PIEZO1: variants seen among roughly 807,000 people sequenced by gnomAD.
PIEZO1 encodes the protein piezo type mechanosensitive ion channel component 1 (Er blood group).
A neutral mutation model predicts 297.2 loss-of-function variants in PIEZO1; 296 were observed. The ratio of observed to expected loss-of-function variants is 1.00; its 90% CI spans 0.91 to 1.10. PIEZO1 has a LOEUF of 1.10. Ranked by LOEUF, PIEZO1 falls within the 50% of genes least tolerant of loss-of-function variation. The pLI, the probability that PIEZO1 is intolerant of heterozygous loss-of-function variation, is 0.00. For synonymous variants in PIEZO1, 2,427 were observed against 1,507.5 expected (o/e 1.61, Z -14.13); for missense variants, 5,018 against 3,455.5 (o/e 1.45, Z -11.34).
chr16:88,749,363 G>T, intron 2 of PIEZO1, 21 bp downstream of exon 2: 3 of 1,449,950 alleles, frequency 2.1e-6, no homozygotes, highest in Non-Finnish European at 2.7e-6. Flanking sequence ...TGAGAGCGTG[G>T]GCAGGGTCCC....
intron 12 of PIEZO1, among the ~76,000 whole-genome samples, chr16:88,735,601 G>C (rs914092977): frequency 2.0e-5 from 3 of 152,268 alleles, no homozygotes; most frequent in Admixed American, 2.0e-4. Context: ...ATGCACACAA[G>C]CTCACAGGTG....
intron 1 of PIEZO1, among the ~76,000 whole-genome samples, chr16:88,763,446 G>C (rs1393609283): frequency 6.6e-6 from 1 of 152,216 alleles, no homozygotes; most frequent in African/African-American, 2.4e-5. Context: ...ATGAGGCCAA[G>C]GCAGAAGGTT....
chr16:88,720,063 G>A lies in PIEZO1; in HGVS notation c.6164+6C>T. On this transcript the variant is annotated splice_donor_region_variant and intron_variant, in intron 42 of 50. Transcript: ENST00000301015. ...GGAGACCGAGCGCCCCCACGCGTGG[G>A]CCCACCTCTCAGTGACGGCGGGCAG... is the stretch of plus-strand genomic sequence containing the variant. 5 of 1,550,194 alleles carry A rather than the reference G, an allele frequency of 3.2e-6. No homozygotes were observed. The highest frequency in any genetic ancestry group is 2.4e-5 in the East Asian group (1 of 40,922).
chr16:88,725,876 G>A lies in PIEZO1; in HGVS notation c.3969-192C>T, dbSNP rs905448188. 50 of 596,372 alleles carry A rather than the reference G, an allele frequency of 8.4e-5. No homozygotes were observed. In the East Asian group the frequency reaches 1.0e-3, roughly 12 times the overall value. 36.9% of individuals were successfully genotyped at this position (596,372 alleles called of 1,614,324 possible). On this transcript the variant is annotated intron_variant, in intron 27 of 50. Transcript: ENST00000301015. ...GTCTGCGGCGAGGACAGGCCCTTCT[G>A]CCGTACAGATGCAGGGGCGTCTGGT...
intron 1 of PIEZO1, among the ~76,000 whole-genome samples, chr16:88,773,387 C>G (rs925343205): frequency 6.6e-6 from 1 of 152,254 alleles, no homozygotes; most frequent in Non-Finnish European, 1.5e-5. Context: ...GGGCCTTGCC[C>G]GAGACCAGAG....
chr16:88,733,322 G>A lies in PIEZO1; in HGVS notation c.2620C>T (p.Leu874Phe). Residue 874 changes from leucine (L) to phenylalanine (F), a missense_variant, in exon 19 of 51, where the codon CTC (leucine) becomes TTC (phenylalanine). By Grantham distance (22) the Leu-to-Phe change is conservative. Transcript: ENST00000301015. ...VIIVCKMLYQ[L>F]KVVNPQEYSS... is the part of the protein sequence containing the mutation. ...TACTCCTGGGGGTTGACAACCTTGA[G>A]CTGGTACAGCATCTTACACACGATG... The A allele has an allele frequency of 6.5e-7, 1 of 1,549,738 alleles. No individual in the cohort carries two copies. Among genetic ancestry groups the A allele is most frequent in the South Asian group, 1.2e-5 (1 of 84,064 alleles).
chr16:88,717,409 T>C (rs986407136), intron 44 of PIEZO1, 198 bp from the exon 45 acceptor site: 5 of 647,680 alleles, frequency 7.7e-6, no homozygotes, highest in Non-Finnish European at 1.4e-5. Flanking sequence ...TCAGGGGTCG[T>C]TGATCTTAGA....
At chr16:88,717,508 C>G in intron 44 of PIEZO1, 2 of 557,936 alleles carry the variant, frequency 3.6e-6, no homozygotes, top group South Asian at 1.6e-5. Flanking sequence ...AAACGCAACT[C>G]CTGCCTCATA....
chr16:88,722,421 G>C (rs915283572), intron 35 of PIEZO1, 24 bp from the exon 36 acceptor site: 3 of 1,483,626 alleles, frequency 2.0e-6, no homozygotes, highest in Non-Finnish European at 2.7e-6. Flanking sequence ...CCGAGTCACA[G>C]AGAATCCTGC....
intron 1 of PIEZO1, among the ~76,000 whole-genome samples, chr16:88,783,817 T>C (rs1393763915): frequency 1.3e-5 from 2 of 152,242 alleles, no homozygotes; most frequent in African/African-American, 4.8e-5. Flanking sequence ...AAACGCAGTC[T>C]GTCTGGGAGC....
chr16:88,733,485 T>G (rs952197388), intron 18 of PIEZO1, 31 bp from the exon 19 acceptor site: 9 of 1,536,262 alleles, frequency 5.9e-6, no homozygotes, highest in Middle Eastern at 1.7e-4. Flanking sequence ...GGGCTGGGCT[T>G]GGGGAGGGCA....
intron 1 of PIEZO1, among the ~76,000 whole-genome samples, chr16:88,775,246 C>T (rs960372311): frequency 2.5e-4 from 38 of 152,206 alleles, no homozygotes; most frequent in African/African-American, 8.4e-4. Context: ...GAGGCAGAGG[C>T]GCCCACACAG....
At position 88,722,331 on chromosome 16, in the gene PIEZO1, G is replaced by A; in HGVS notation, c.4842C>T (p.Gly1614=). The A allele has an allele frequency of 1.3e-6, 2 of 1,543,702 alleles. No individual in the cohort carries two copies. The highest frequency in any genetic ancestry group is 1.2e-5 in the South Asian group (1 of 83,272). ...CCTCACTGCCACTGCGCGTGTGGTA[G>A]CCGGTGCTCAGGGGGCTGCCCATGT... The part of the protein sequence containing the change: ...TDDMGSPLST[G]YHTRSGSEEA... Residue 1614 remains glycine (G), a synonymous_variant, in exon 36 of 51, where the codon GGC becomes GGT. Transcript: ENST00000301015.
At chr16:88,728,268 C>T (rs978456201) in intron 22 of PIEZO1, among the ~76,000 whole-genome samples, 7 of 152,282 alleles carry the variant, frequency 4.6e-5, no homozygotes, top group African/African-American at 1.4e-4. Flanking sequence ...GCCACACTTC[C>T]TGGGAGGCGT....
Position 88,738,095 on chromosome 16 carries a change from G to A in PIEZO1, c.859C>T (p.Leu287Phe), listed in dbSNP as rs1212586513. Residue 287 changes from leucine (L) to phenylalanine (F), a missense_variant, in exon 8 of 51, where the codon CTC (leucine) becomes TTC (phenylalanine). Transcript: ENST00000301015. ...TTGGTGGGACCCACGAAGTCCTTGAGACCCAGCACCCTGTCCAGAGAAGAC... is the reference window on the plus strand; with the variant it reads ...TTGGTGGGACCCACGAAGTCCTTGAAACCCAGCACCCTGTCCAGAGAAGAC... ...PAGIWARVLG[L>F]KDFVGPTNCS... The A allele has an allele frequency of 2.0e-6, 3 of 1,535,712 alleles. No homozygotes were observed. The African/African-American group carries it at 4.1e-5, about 21-fold the overall frequency.
intron 44 of PIEZO1, chr16:88,718,686 G>A (rs975791834): frequency 1.1e-4 from 16 of 152,268 alleles, no homozygotes; most frequent in African/African-American, 3.6e-4. Flanking sequence ...GAAACCGAGT[G>A]ACAGCCAATG....
In PIEZO1 at chr16:88,735,190, C is replaced by T. The variant is rs1220700173; in HGVS notation, c.1614G>A (p.Leu538=). The part of the protein sequence containing the change: ...LLLRQFVKEK[L]LKWAESPAAL... ...CAGCTGGAGACTCTGCCCACTTCAG[C>T]AGCTTCTCTTTCACAAACTGGCGCA... The change falls in exon 13 of 51, where the codon CTG becomes CTA. Residue 538 remains leucine, a synonymous_variant. Coordinates refer to ENST00000301015, the MANE Select transcript of PIEZO1 (RefSeq NM_001142864.4). 1 of 1,550,428 alleles carries T rather than the reference C, an allele frequency of 6.4e-7. No homozygotes were observed. The highest frequency in any genetic ancestry group is 2.0e-5 in the Admixed American group (1 of 51,010).
chr16:88,758,681 G>A (rs1317392071), intron 1 of PIEZO1, among the ~76,000 whole-genome samples: 2 of 152,220 alleles, frequency 1.3e-5, no homozygotes, highest in African/African-American at 4.8e-5. Flanking sequence ...TATGTGCCCT[G>A]CAGAATGACA....
At chr16:88,768,489 T>C (rs1488485960) in intron 1 of PIEZO1, among the ~76,000 whole-genome samples, 2 of 152,210 alleles carry the variant, frequency 1.3e-5, no homozygotes, top group African/African-American at 4.8e-5. Context: ...CACTGCCCTC[T>C]CACCCACCAC....
Sources: allele counts gnomAD v4.1 joint callset (sites outside exome capture counted in the v4.1 genomes callset), GRCh38; gene constraint gnomAD v4.1.1; transcripts MANE v1.5; gene names NCBI Gene and HGNC (gene_info 2026-07-23, HGNC 2026-07-21).